The following SPOCK3 variants were observed in gnomAD, a reference collection of about 807,000 sequenced individuals.
SPOCK3 encodes SPARC (osteonectin), cwcv and kazal like domains proteoglycan 3.
Under a neutral mutation model 56.6 loss-of-function variants are expected in SPOCK3, and 30 were observed. That is an observed-to-expected ratio of 0.53 (90% CI 0.40 to 0.72). The LOEUF (loss-of-function observed/expected upper bound fraction) is 0.72, where lower values mean the gene tolerates loss of function less well. SPOCK3 is among the 30% of genes least tolerant of loss of function. The pLI is 0.00. For missense variants in SPOCK3, 527 were observed against 530.0 expected (o/e 0.99, Z 0.06); for synonymous variants, 196 against 183.3 (o/e 1.07, Z -0.56).
chr4:167,105,155 C>T (rs1759995502), intron 2 of SPOCK3, among the ~76,000 whole-genome samples: 1 of 151,784 alleles, frequency 6.6e-6, no homozygotes, highest in East Asian at 1.9e-4. Flanking sequence ...TATTATAACA[C>T]TATAATTATG....
intron 6 of SPOCK3, among the ~76,000 whole-genome samples, chr4:166,886,521 C>T (rs1734216822): frequency 6.6e-6 from 1 of 152,002 alleles, no homozygotes; most frequent in African/African-American, 2.4e-5. Context: ...CCAATTTATG[C>T]ACATTTCTTA....
chr4:166,811,384 A>G lies in SPOCK3; in HGVS notation c.590-19095T>C, dbSNP rs374862242. ...CTAAGCACTGTCTTAGCTTTATCCCATAAGTTATGATAACCTAGTATTTTT... is the reference window on the plus strand; with the variant it reads ...CTAAGCACTGTCTTAGCTTTATCCCGTAAGTTATGATAACCTAGTATTTTT... On this transcript the variant is annotated intron_variant, in intron 6 of 10. Transcript: ENST00000357545. Among the ~76,000 whole-genome samples the G allele has an allele frequency of 8.8e-4, 133 of 151,574 alleles. No homozygotes were observed. The Middle Eastern group carries it at 0.014, about 16-fold the overall frequency.
intron 4 of SPOCK3, among the ~76,000 whole-genome samples, chr4:166,960,592 C>G (rs760631012): frequency 4.6e-5 from 7 of 152,158 alleles, no homozygotes; most frequent in Non-Finnish European, 8.8e-5. Context: ...TCAGCCTCTT[C>G]CCTGAGTGTG....
chr4:167,196,183 A>G (rs902543906), intron 2 of SPOCK3, among the ~76,000 whole-genome samples: 2 of 152,216 alleles, frequency 1.3e-5, no homozygotes, highest in African/African-American at 4.8e-5. Context: ...AAAAGCTACT[A>G]TATCGTGTTT....
chr4:166,799,562 G>A (rs1742324296), intron 6 of SPOCK3, among the ~76,000 whole-genome samples: 1 of 152,078 alleles, frequency 6.6e-6, no homozygotes, highest in Non-Finnish European at 1.5e-5. Flanking sequence ...GTGTATAAAT[G>A]GCATCAGGAA....
chr4:167,013,475 T>A (rs1285327433), intron 3 of SPOCK3, among the ~76,000 whole-genome samples: 1 of 151,382 alleles, frequency 6.6e-6, no homozygotes. Context: ...AGAATATTGA[T>A]CACCATATAT....
chr4:166,797,471 G>C (rs1053753038), intron 6 of SPOCK3, among the ~76,000 whole-genome samples: 4 of 151,634 alleles, frequency 2.6e-5, no homozygotes, highest in African/African-American at 9.7e-5. Context: ...GTGACTTTTA[G>C]TTTATGATAT....
At chr4:166,919,773 TA>T (rs1243281314) in intron 4 of SPOCK3, among the ~76,000 whole-genome samples, 3 of 152,136 alleles carry the variant, frequency 2.0e-5, no homozygotes, top group African/African-American at 4.8e-5. Flanking sequence ...GCCAACAGAT[TA>T]AGAATTTATA....
Position 166,778,959 on chromosome 4 carries a change from G to A in SPOCK3, c.709+13211C>T, listed in dbSNP as rs149445445. 3.3e-3 allele frequency among the ~76,000 whole-genome samples: 502 copies of A among 152,116 alleles called. 4 individuals carry two copies. The highest frequency in any genetic ancestry group is 0.011 in the African/African-American group (458 of 41,496). ...TTGTGTATAGCCACTGAGGAAAGCC[G>A]AAGAAATCCGAGAAGAAAATGAGAT... On this transcript the variant is annotated intron_variant, in intron 7 of 10. Transcript: ENST00000357545.
At chr4:166,737,434 G>A in intron 10 of SPOCK3, 33 bp downstream of exon 10, 1 of 1,595,522 alleles carries the variant, frequency 6.3e-7, no homozygotes. Context: ...TCTGTGCTTA[G>A]AAAATTATGA....
intron 4 of SPOCK3, among the ~76,000 whole-genome samples, chr4:166,991,581 G>T (rs1252848580): frequency 2.0e-5 from 3 of 151,838 alleles, no homozygotes; most frequent in Non-Finnish European, 4.4e-5. Context: ...TATTGGCCAG[G>T]CTCATCTCAC....
intron 3 of SPOCK3, among the ~76,000 whole-genome samples, chr4:167,012,161 T>C (rs1177703649): frequency 6.6e-6 from 1 of 151,980 alleles, no homozygotes; most frequent in Non-Finnish European, 1.5e-5. Flanking sequence ...AAAAGAAAGA[T>C]GCATACAAAC....
Position 166,844,491 on chromosome 4 carries a change from G to T in SPOCK3, c.589+44639C>A, listed in dbSNP as rs981078695. Among the ~76,000 whole-genome samples the T allele has an allele frequency of 2.6e-5, 4 of 152,104 alleles. No individual in the cohort carries two copies. The East Asian group carries it at 7.7e-4, about 29-fold the overall frequency. On this transcript the variant is annotated intron_variant, in intron 6 of 10. Coordinates refer to ENST00000357545, the MANE Select transcript of SPOCK3 (RefSeq NM_001040159.2). Reference sequence around the variant, plus strand: ...ATTAAATCAGTAAACTCTGAGTAAAGAAATTACCCTTCATAGTGGGGTTGA... The same window carrying T: ...ATTAAATCAGTAAACTCTGAGTAAATAAATTACCCTTCATAGTGGGGTTGA...
At chr4:166,926,704 G>T (rs1739147031) in intron 4 of SPOCK3, among the ~76,000 whole-genome samples, 1 of 152,044 alleles carries the variant, frequency 6.6e-6, no homozygotes, top group African/African-American at 2.4e-5. Flanking sequence ...GTGAGACCCA[G>T]GAGAAACTAG....
chr4:167,057,001 G>C (rs562578171), intron 3 of SPOCK3, among the ~76,000 whole-genome samples: 9 of 152,084 alleles, frequency 5.9e-5, no homozygotes, highest in Admixed American at 3.9e-4. Context: ...CACCAAAGTT[G>C]AAATGAAGGA....
chr4:167,188,091 G>A (rs1328690889), intron 2 of SPOCK3, among the ~76,000 whole-genome samples: 1 of 117,902 alleles, frequency 8.5e-6, no homozygotes. Flanking sequence ...AAAATCCCAC[G>A]ATAATCCAGA....
rs17052647 is a variant in SPOCK3, at chr4:166,887,734, G to C, written c.589+1396C>G. On this transcript the variant is annotated intron_variant, in intron 6 of 10. Transcript: ENST00000357545. ...AGCAAGGATGAGGCTTAAAGAACAG[G>C]GCTCCTGGGCAACATATATGTTGCA... is the stretch of plus-strand genomic sequence containing the variant. Among the ~76,000 whole-genome samples, 1,224 of 151,948 alleles carry C rather than the reference G, an allele frequency of 8.1e-3. 15 individuals carry two copies. Among genetic ancestry groups the C allele is most frequent in the African/African-American group, 0.027 (1,132 of 41,444 alleles).
intron 3 of SPOCK3, among the ~76,000 whole-genome samples, chr4:167,017,581 T>C (rs769875393): frequency 6.6e-6 from 1 of 152,084 alleles, no homozygotes; most frequent in Non-Finnish European, 1.5e-5. Context: ...ACTGACACTA[T>C]CTTGGAAAGA....
chr4:166,984,860 T>C (rs867533414), intron 4 of SPOCK3, among the ~76,000 whole-genome samples: 32 of 152,252 alleles, frequency 2.1e-4, no homozygotes, highest in South Asian at 4.1e-4. Context: ...TTGTCCTCTG[T>C]AATCATTTTG....
Sources: gnomAD v4.1 joint callset for allele counts (sites outside exome capture counted in the v4.1 genomes callset) on GRCh38, gnomAD v4.1.1 for gene constraint, MANE v1.5 for transcripts, NCBI Gene and HGNC (gene_info 2026-07-23, HGNC 2026-07-21) for gene names.